Variants in CDH12 observed in about 807,000 individuals in gnomAD.
CDH12 encodes cadherin 12, also known as cadherin-12.
A neutral mutation model predicts 74.1 loss-of-function variants in CDH12; 41 were observed. That is an observed-to-expected ratio of 0.55 (90% CI 0.43 to 0.72). CDH12 has a LOEUF of 0.72. CDH12 is among the 30% of genes least tolerant of loss of function. The pLI is 0.00. For synonymous variants in CDH12, 399 were observed against 355.0 expected (o/e 1.12, Z -1.39); for missense variants, 945 against 977.2 (o/e 0.97, Z 0.44).
intron 3 of CDH12, among the ~76,000 whole-genome samples, chr5:22,336,077 A>G (rs1272993611): frequency 2.6e-5 from 4 of 151,972 alleles, no homozygotes; most frequent in African/African-American, 9.7e-5. Context: ...AGCAAAGGTG[A>G]CTCTTGTTAT....
At chr5:22,003,467 T>A (rs2150145825) in intron 5 of CDH12, among the ~76,000 whole-genome samples, 1 of 152,368 alleles carries the variant, frequency 6.6e-6, no homozygotes, top group Admixed American at 6.5e-5. Flanking sequence ...AATCATAGAT[T>A]CTATCATATG....
intron 1 of CDH12, among the ~76,000 whole-genome samples, chr5:22,560,579 G>A (rs1739001420): frequency 6.6e-6 from 1 of 151,722 alleles, no homozygotes; most frequent in Non-Finnish European, 1.5e-5. Context: ...AATTACCTAA[G>A]AAGATATTTA....
intron 1 of CDH12, among the ~76,000 whole-genome samples, chr5:22,671,184 T>C (rs934799616): frequency 6.6e-6 from 1 of 152,156 alleles, no homozygotes; most frequent in African/African-American, 2.4e-5. Context: ...AATACACCCA[T>C]GACACCACCA....
intron 1 of CDH12, among the ~76,000 whole-genome samples, chr5:22,652,215 T>A (rs899435950): frequency 6.6e-6 from 1 of 152,134 alleles, no homozygotes; most frequent in Non-Finnish European, 1.5e-5. Context: ...ATTAATTAAT[T>A]CATTATGTAA....
At chr5:22,681,228 GGTGTGTGTGTGT>G (rs1035806842) in intron 1 of CDH12, among the ~76,000 whole-genome samples, 5 of 105,820 alleles carry the variant, frequency 4.7e-5, no homozygotes, top group African/African-American at 1.6e-4. Flanking sequence ...GGTATTGGGG[GGTGTGTGTGTGT>G]GTGTGTGTGT....
intron 5 of CDH12, among the ~76,000 whole-genome samples, chr5:22,054,161 G>C (rs567011057): frequency 1.3e-5 from 2 of 152,050 alleles, no homozygotes; most frequent in East Asian, 3.9e-4. Context: ...CTATAATATA[G>C]AGCGTCTGCT....
intron 3 of CDH12, among the ~76,000 whole-genome samples, chr5:22,266,727 T>C (rs1463105445): frequency 6.6e-6 from 1 of 152,156 alleles, no homozygotes; most frequent in African/African-American, 2.4e-5. Flanking sequence ...CTGATTAATA[T>C]ATTCTCAACA....
At chr5:22,776,128 C>G (rs536617683) in intron 1 of CDH12, among the ~76,000 whole-genome samples, 7 of 152,228 alleles carry the variant, frequency 4.6e-5, no homozygotes, top group South Asian at 2.1e-4. Context: ...GACTAATACA[C>G]TTACACTGCA....
chr5:22,494,593 A>G (rs1252700497), intron 2 of CDH12, among the ~76,000 whole-genome samples: 2 of 152,234 alleles, frequency 1.3e-5, no homozygotes, highest in African/African-American at 4.8e-5. Flanking sequence ...TGCTCCAGGA[A>G]CTTACATCTT....
chr5:21,891,384 A>G (rs1752890445), intron 6 of CDH12, among the ~76,000 whole-genome samples: 1 of 152,134 alleles, frequency 6.6e-6, no homozygotes, highest in Non-Finnish European at 1.5e-5. Flanking sequence ...ATAGGCTTAG[A>G]ATTTTTGATC....
intron 2 of CDH12, among the ~76,000 whole-genome samples, chr5:22,461,974 T>C (rs1307988620): frequency 1.3e-5 from 2 of 152,252 alleles, no homozygotes; most frequent in East Asian, 3.9e-4. Context: ...AATTACCTCA[T>C]ATTATGCATT....
chr5:22,290,375 A>G (rs1473240961), intron 3 of CDH12, among the ~76,000 whole-genome samples: 2 of 152,212 alleles, frequency 1.3e-5, no homozygotes, highest in Non-Finnish European at 2.9e-5. Flanking sequence ...TCAAAAAAAT[A>G]CAGGAGAGCC....
chr5:22,211,211 C>G, intron 4 of CDH12, among the ~76,000 whole-genome samples: 1 of 151,876 alleles, frequency 6.6e-6, no homozygotes, highest in East Asian at 1.9e-4. Flanking sequence ...TCAGGAAATA[C>G]GAGTGCTCAC....
rs186982724 is a variant in CDH12, at chr5:21,901,187, T to G, written c.527-46397A>C. On this transcript the variant is annotated intron_variant, in intron 6 of 14. Transcript: ENST00000382254. The stretch of plus-strand genomic sequence containing the variant: ...AGTTGAGTCATGTTCAAGAAAATTT[T>G]GGGGATTTTCTAAGGTCAACATATA... Among the ~76,000 whole-genome samples, 233 of 152,318 alleles carry G rather than the reference T, an allele frequency of 1.5e-3. No individual in the cohort carries two copies. In the Middle Eastern group the frequency reaches 0.017, roughly 11 times the overall value.
chr5:22,389,097 T>C (rs1319445696), intron 3 of CDH12, among the ~76,000 whole-genome samples: 2 of 152,200 alleles, frequency 1.3e-5, no homozygotes, highest in African/African-American at 4.8e-5. Flanking sequence ...AAGCTCTAAC[T>C]AATGTCCATT....
intron 1 of CDH12, among the ~76,000 whole-genome samples, chr5:22,810,970 T>C (rs1414443063): frequency 6.6e-6 from 1 of 151,876 alleles, no homozygotes; most frequent in Non-Finnish European, 1.5e-5. Context: ...TATACTTACA[T>C]ATATACATAC....
intron 1 of CDH12, among the ~76,000 whole-genome samples, chr5:22,650,181 T>C (rs1384105878): frequency 6.6e-6 from 1 of 151,960 alleles, no homozygotes; most frequent in Non-Finnish European, 1.5e-5. Context: ...AAATGATTAG[T>C]AAAACATTCA....
At chr5:22,662,202 C>T (rs1251628008) in intron 1 of CDH12, among the ~76,000 whole-genome samples, 2 of 152,132 alleles carry the variant, frequency 1.3e-5, no homozygotes, top group Non-Finnish European at 2.9e-5. Context: ...AATATTAAAA[C>T]TTATGTTCAA....
chr5:22,411,788 C>T (rs1375726563), intron 2 of CDH12, among the ~76,000 whole-genome samples: 2 of 151,860 alleles, frequency 1.3e-5, no homozygotes, highest in East Asian at 3.9e-4. Flanking sequence ...ACATAGCTTC[C>T]CGGAAAATAA....
Sources: allele counts gnomAD v4.1 joint callset (sites outside exome capture counted in the v4.1 genomes callset), GRCh38; gene constraint gnomAD v4.1.1; transcripts MANE v1.5; gene names NCBI Gene and HGNC (gene_info 2026-07-23, HGNC 2026-07-21).